The following CSMD1 variants were observed in gnomAD, a reference collection of about 807,000 sequenced individuals.
CSMD1 encodes the protein CUB and Sushi multiple domains 1.
Under a neutral mutation model 417.5 loss-of-function variants are expected in CSMD1, and 213 were observed. That is an observed-to-expected ratio of 0.51 (90% CI 0.46 to 0.57). The LOEUF is 0.57. Among genes scored for constraint, CSMD1 ranks in the 20% least tolerant of loss-of-function variants. CSMD1 has a pLI of 0.00. For synonymous variants in CSMD1, 2,862 were observed against 1,736.8 expected (o/e 1.65, Z -16.11); for missense variants, 6,923 against 4,529.7 (o/e 1.53, Z -15.17).
At position 4,951,339 on chromosome 8, in the gene CSMD1, T is replaced by G. The variant is rs116116173; in HGVS notation, c.85+42993A>C. On this transcript the variant is annotated intron_variant, in intron 1 of 69. Transcript: ENST00000635120. ...ACTTCACAAACCATATTTCTATTACTTGAGCTATCTCTGCTCTTAATTGCT... is the reference window on the plus strand; with the variant it reads ...ACTTCACAAACCATATTTCTATTACGTGAGCTATCTCTGCTCTTAATTGCT... 4.6e-3 allele frequency among the ~76,000 whole-genome samples: 699 copies of G among 152,150 alleles called. 9 individuals carry two copies. The highest frequency in any genetic ancestry group is 0.016 in the African/African-American group (679 of 41,514).
At chr8:4,003,087 T>G (rs1429611242) in intron 4 of CSMD1, among the ~76,000 whole-genome samples, 1 of 152,180 alleles carries the variant, frequency 6.6e-6, no homozygotes, top group East Asian at 1.9e-4. Context: ...ACTTACTTGC[T>G]TTGTATTTTA....
At position 4,637,520 on chromosome 8, in the gene CSMD1, T is replaced by C. The variant is rs765202683; in HGVS notation, c.124A>G (p.Thr42Ala). The C allele has an allele frequency of 6.2e-7, 1 of 1,613,644 alleles. No individual in the cohort carries two copies. ...CGGLVQGPNG[T>A]IESPGFPHGY... is the part of the protein sequence containing the mutation. The stretch of plus-strand genomic sequence containing the variant: ...TGAGGAAACCCTGGGCTCTCAATAG[T>C]GCCATTGGGACCCTGGACTAAGCCT... Residue 42 changes from threonine to alanine, a missense_variant, in exon 2 of 70, where the codon ACT (threonine) becomes GCT (alanine). By Grantham distance (58) the Thr-to-Ala change is moderately conservative. Transcript: ENST00000635120.
intron 3 of CSMD1, among the ~76,000 whole-genome samples, chr8:4,413,015 A>T (rs1486654731): frequency 6.6e-6 from 1 of 152,224 alleles, no homozygotes; most frequent in Non-Finnish European, 1.5e-5. Context: ...TGACAACTTG[A>T]AGTCTATACA....
intron 7 of CSMD1, among the ~76,000 whole-genome samples, chr8:3,623,421 G>A (rs891660362): frequency 2.4e-4 from 36 of 152,254 alleles, no homozygotes; most frequent in African/African-American, 8.4e-4. Flanking sequence ...CTGAAAAGAA[G>A]TATAAGCAAC....
chr8:4,720,351 T>TTA (rs775477500), intron 1 of CSMD1, among the ~76,000 whole-genome samples: 25 of 152,288 alleles, frequency 1.6e-4, no homozygotes, highest in Non-Finnish European at 2.6e-4. Context: ...GTACCATGTA[T>TTA]TATCTCAAGG....
chr8:4,206,829 T>A (rs1187816694), intron 3 of CSMD1, among the ~76,000 whole-genome samples: 1 of 152,222 alleles, frequency 6.6e-6, no homozygotes, highest in Non-Finnish European at 1.5e-5. Flanking sequence ...TTTTGAGTGA[T>A]TATTTTGTGG....
chr8:3,184,723 G>C (rs868795080), intron 36 of CSMD1, among the ~76,000 whole-genome samples: 2 of 152,152 alleles, frequency 1.3e-5, no homozygotes, highest in Admixed American at 6.6e-5. Flanking sequence ...TGGAGATGGG[G>C]AAATTTAATC....
chr8:4,881,081 A>G (rs1803366539), intron 1 of CSMD1, among the ~76,000 whole-genome samples: 1 of 151,560 alleles, frequency 6.6e-6, no homozygotes, highest in Admixed American at 6.6e-5. Flanking sequence ...TCTGCCAGCT[A>G]CTCCAGCCCA....
At chr8:3,149,538 C>T (rs992588390) in intron 40 of CSMD1, among the ~76,000 whole-genome samples, 1 of 152,126 alleles carries the variant, frequency 6.6e-6, no homozygotes, top group Non-Finnish European at 1.5e-5. Flanking sequence ...AGCGCAGTGG[C>T]GTGATCGTGG....
chr8:4,008,383 A>G (rs201683055), intron 4 of CSMD1, among the ~76,000 whole-genome samples: 3 of 151,816 alleles, frequency 2.0e-5, no homozygotes, highest in Non-Finnish European at 4.4e-5. Context: ...AAAATATATC[A>G]AAGTTTTCAG....
At chr8:4,037,120 T>C (rs566422054) in intron 3 of CSMD1, among the ~76,000 whole-genome samples, 1 of 152,362 alleles carries the variant, frequency 6.6e-6, no homozygotes, top group South Asian at 2.1e-4. Context: ...TTTACTTGTT[T>C]TTATTAATCT....
At chr8:4,920,538 G>A (rs1266212120) in intron 1 of CSMD1, among the ~76,000 whole-genome samples, 4 of 152,144 alleles carry the variant, frequency 2.6e-5, no homozygotes, top group Non-Finnish European at 4.4e-5. Flanking sequence ...TTACAATGGT[G>A]AGGCCAGGCA....
chr8:3,832,197 G>A (rs1309316289), intron 5 of CSMD1, among the ~76,000 whole-genome samples: 1 of 152,126 alleles, frequency 6.6e-6, no homozygotes, highest in African/African-American at 2.4e-5. Flanking sequence ...TGAGTCACGT[G>A]GGATGGAATA....
chr8:2,951,693 A>C lies in CSMD1; in HGVS notation c.10040-418T>G, dbSNP rs566963073. On this transcript the variant is annotated intron_variant, in intron 65 of 69. Coordinates refer to ENST00000635120, the MANE Select transcript of CSMD1 (RefSeq NM_033225.6). ...CAAGTCTACTCTTTGAAAGACTTGG[A>C]AGGCTCCAAAGAACTGATATATATA... 3.9e-5 allele frequency among the ~76,000 whole-genome samples: 6 copies of C among 152,282 alleles called. No individual in the cohort carries two copies. In the South Asian group the frequency reaches 6.2e-4, roughly 16 times the overall value.
At chr8:3,834,162 C>A (rs1016905058) in intron 5 of CSMD1, among the ~76,000 whole-genome samples, 2 of 152,014 alleles carry the variant, frequency 1.3e-5, no homozygotes, top group Admixed American at 6.6e-5. Flanking sequence ...TCTATATATA[C>A]CTATTTTTTA....
At chr8:4,421,823 A>G (rs567577258) in intron 2 of CSMD1, among the ~76,000 whole-genome samples, 4 of 151,988 alleles carry the variant, frequency 2.6e-5, no homozygotes, top group Non-Finnish European at 4.4e-5. Flanking sequence ...AAAAACAAGA[A>G]AAGTACAGAA....
At chr8:3,258,888 C>T (rs761061923) in intron 26 of CSMD1, among the ~76,000 whole-genome samples, 5 of 152,108 alleles carry the variant, frequency 3.3e-5, no homozygotes, top group East Asian at 3.9e-4. Flanking sequence ...GGGAGCTAAA[C>T]GATGAGAACA....
chr8:3,935,316 T>C (rs1006152525), intron 5 of CSMD1, among the ~76,000 whole-genome samples: 3 of 152,184 alleles, frequency 2.0e-5, no homozygotes, highest in Non-Finnish European at 2.9e-5. Context: ...CATGAAACAC[T>C]TATATATATT....
At chr8:3,760,677 A>C (rs1797943577) in intron 5 of CSMD1, among the ~76,000 whole-genome samples, 1 of 152,234 alleles carries the variant, frequency 6.6e-6, no homozygotes, top group Admixed American at 6.5e-5. Context: ...ATGCATTTGG[A>C]AATGCTAATG....
Sources: allele counts gnomAD v4.1 joint callset (sites outside exome capture counted in the v4.1 genomes callset), GRCh38; gene constraint gnomAD v4.1.1; transcripts MANE v1.5; gene names NCBI Gene and HGNC (gene_info 2026-07-23, HGNC 2026-07-21).